The following ERCC4 variants were observed in gnomAD, a reference collection of about 807,000 sequenced individuals.
The protein encoded by ERCC4 is DNA repair endonuclease XPF.
ERCC4 carries 65 observed loss-of-function variants against 76.9 expected under a neutral mutation model. The observed-to-expected ratio is 0.84, with a 90% CI of 0.69 to 1.04. ERCC4 has a LOEUF of 1.04. ERCC4 is among the 50% of genes least tolerant of loss of function. The pLI, the probability that ERCC4 is intolerant of heterozygous loss-of-function variation, is 0.00. For missense variants in ERCC4, 1,214 were observed against 1,128.2 expected (o/e 1.08, Z -1.09); for synonymous variants, 463 against 410.1 (o/e 1.13, Z -1.56).
At chr16:13,922,692 G>T in intron 2 of ERCC4, 2 of 411,912 alleles carry the variant, frequency 4.9e-6, no homozygotes, top group South Asian at 4.6e-5. Flanking sequence ...TGGAGGCACG[G>T]ACCGGAGAGG....
Position 13,935,648 on chromosome 16 carries a change from A to G in ERCC4, c.1716A>G (p.Glu572=). ...ATGCTCTGACAAGGGTACTACATGA[A>G]GTGGAGCCAAGATACGTGGTTCTTT... is the stretch of plus-strand genomic sequence containing the variant. The part of the protein sequence containing the change: ...DPYALTRVLH[E]VEPRYVVLYD... Residue 572 remains glutamate (E), a synonymous_variant, in exon 8 of 11, where the codon GAA becomes GAG. Transcript: ENST00000311895. The G allele has an allele frequency of 6.2e-7, 1 of 1,614,064 alleles. No individual in the cohort carries two copies. The highest frequency in any genetic ancestry group is 1.3e-5 in the African/African-American group (1 of 75,008).
intron 4 of ERCC4, among the ~76,000 whole-genome samples, chr16:13,928,814 A>G (rs3136096): frequency 1.1e-3 from 174 of 152,288 alleles, no homozygotes; most frequent in Admixed American, 2.2e-3. Context: ...ATAAACGTCT[A>G]GTATTGAATT....
chr16:13,920,449 C>T (rs1014765797), intron 1 of ERCC4, 77 bp downstream of exon 1: 123 of 1,307,898 alleles, frequency 9.4e-5, no homozygotes, highest in Non-Finnish European at 1.2e-4. Flanking sequence ...AGGCCTCTGA[C>T]AGGGATGGAG....
At chr16:13,925,152 G>T (rs1453613820) in intron 2 of ERCC4, among the ~76,000 whole-genome samples, 4 of 152,154 alleles carry the variant, frequency 2.6e-5, no homozygotes, top group Admixed American at 6.5e-5. Flanking sequence ...TAAATGAAAT[G>T]AAAATCTATA....
At position 13,950,411 on chromosome 16, in the gene ERCC4, A is replaced by G. The variant is rs1183213079; in HGVS notation, c.*2064A>G. On this transcript the variant is annotated 3_prime_UTR_variant, in exon 11 of 11. Transcript: ENST00000311895. ...GGGTATCAAGAACCAGATTGGTTAC[A>G]GTAGAACTCTGTAAGATGATGTGGA... The G allele has an allele frequency of 2.1e-5, 4 of 186,974 alleles. No homozygotes were observed. The highest frequency in any genetic ancestry group is 9.3e-5 in the African/African-American group (4 of 42,824). The allele number at this position is 186,974 out of a possible 1,614,324, so 11.6% of individuals were successfully genotyped here.
In ERCC4 at chr16:13,948,029, G is replaced by A. The variant is rs773329866; in HGVS notation, c.2433G>A (p.Glu811=). ...LWCPSPHATA[E]LFEELKQSKP... is the part of the protein sequence containing the mutation. ...GCCCCTCTCCTCATGCAACGGCGGA[G>A]TTGTTTGAGGAGCTGAAACAAAGCA... The change falls in exon 11 of 11, where the codon GAG becomes GAA. Residue 811 remains glutamate (E), a synonymous_variant. Transcript: ENST00000311895. 6 of 1,614,012 alleles carry A rather than the reference G, an allele frequency of 3.7e-6. No homozygotes were observed. In the African/African-American group the frequency reaches 4.0e-5, roughly 11 times the overall value.
At chr16:13,931,339 C>T in intron 5 of ERCC4, 1 of 178,514 alleles carries the variant, frequency 5.6e-6, no homozygotes, top group Non-Finnish European at 1.2e-5. Context: ...CGTTTGGCTA[C>T]CACTGTTTTG....
Position 13,935,456 on chromosome 16 carries a change from A to G in ERCC4, c.1524A>G (p.Gly508=). The change falls in exon 8 of 11, where the codon GGA becomes GGG. Residue 508 remains glycine, a synonymous_variant. Coordinates refer to ENST00000311895, the MANE Select transcript of ERCC4 (RefSeq NM_005236.3). ...AACCTGAAGAACTGGAAGAGGAAGG[A>G]GATGTCGAGGAAGGATATCGTCGAG... ...VGKPEELEEE[G]DVEEGYRREI... 2.5e-6 allele frequency: 4 copies of G among 1,614,218 alleles called. No individual in the cohort carries two copies. The highest frequency in any genetic ancestry group is 3.4e-6 in the Non-Finnish European group (4 of 1,180,038).
chr16:13,930,942 T>C (rs2032161409), intron 5 of ERCC4, 52 bp downstream of exon 5: 1 of 1,253,216 alleles, frequency 8.0e-7, no homozygotes, highest in East Asian at 2.3e-5. Context: ...GAATAAAGTG[T>C]TAGGTTTTAG....
chr16:13,926,401 A>G (rs1293786952), intron 2 of ERCC4, among the ~76,000 whole-genome samples, 160 bp from the exon 3 acceptor site: 2 of 152,240 alleles, frequency 1.3e-5, no homozygotes, highest in Admixed American at 6.5e-5. Context: ...TTTATAGTCA[A>G]TTCCTTGAGG....
chr16:13,926,773 G>A lies in ERCC4; in HGVS notation c.584+17G>A, dbSNP rs1473059502. 2 of 1,569,248 alleles carry A rather than the reference G, an allele frequency of 1.3e-6. No homozygotes were observed. The highest frequency in any genetic ancestry group is 2.2e-5 in the South Asian group (2 of 90,020). ...GTGGCCAAGGTAAAGAACATTATGT[G>A]ACAAATAATGATGACATTATTTGTC... On this transcript the variant is annotated intron_variant, in intron 3 of 10. Coordinates refer to ENST00000311895, the MANE Select transcript of ERCC4 (RefSeq NM_005236.3).
rs1217045250 is a variant in ERCC4 at position 13,948,210 on chromosome 16, A to G, written c.2614A>G (p.Asn872Asp). 2 of 1,614,050 alleles carry G rather than the reference A, an allele frequency of 1.2e-6. No individual in the cohort carries two copies. Among genetic ancestry groups the G allele is most frequent in the Non-Finnish European group, 1.7e-6 (2 of 1,180,040 alleles). The change falls in exon 11 of 11, where the codon AAC (asparagine) becomes GAC (aspartate). Residue 872 changes from asparagine to aspartate, a missense_variant. Coordinates refer to ENST00000311895, the MANE Select transcript of ERCC4 (RefSeq NM_005236.3). ...NCRSLMHHVK[N>D]IAELAALSQD... ...CCGCTCCTTGATGCACCACGTTAAG[A>G]ACATCGCAGAATTAGCAGCCCTGTC...
chr16:13,929,622 A>G (rs1475344462), intron 4 of ERCC4, among the ~76,000 whole-genome samples: 2 of 152,244 alleles, frequency 1.3e-5, no homozygotes, highest in South Asian at 2.1e-4. Flanking sequence ...AGGTACCTAC[A>G]TAGTGTATAC....
At position 13,935,719 on chromosome 16, in the gene ERCC4, C is replaced by A. The variant is rs751782722; in HGVS notation, c.1787C>A (p.Ala596Glu). The A allele has an allele frequency of 6.8e-6, 11 of 1,613,626 alleles. No homozygotes were observed. The East Asian group carries it at 2.5e-4, about 36-fold the overall frequency. Reference sequence around the variant, plus strand: ...GTTCGGCAGCTTGAAATTTACAGGGCGAGTAGGCCTGGGAAACCTCTGAGG... The same window carrying A: ...GTTCGGCAGCTTGAAATTTACAGGGAGAGTAGGCCTGGGAAACCTCTGAGG... ...TFVRQLEIYR[A>E]SRPGKPLRVY... Residue 596 changes from alanine (A) to glutamate (E), a missense_variant, in exon 8 of 11, where the codon GCG (alanine) becomes GAG (glutamate). By Grantham distance (107) the Ala-to-Glu change is moderately radical. Coordinates refer to ENST00000311895, the MANE Select transcript of ERCC4 (RefSeq NM_005236.3).
intron 2 of ERCC4, among the ~76,000 whole-genome samples, chr16:13,924,999 G>A (rs1442045595): frequency 6.6e-6 from 1 of 152,116 alleles, no homozygotes. Context: ...GTCTTGAGTT[G>A]GTGTGACTAA....
rs373906926 is a variant in ERCC4, at chr16:13,947,721, G to T, written c.2125G>T (p.Val709Leu). 1.9e-6 allele frequency: 3 copies of T among 1,614,196 alleles called. No homozygotes were observed. Among genetic ancestry groups the T allele is most frequent in the Middle Eastern group, 1.6e-4 (1 of 6,062 alleles). Reference sequence around the variant, plus strand: ...TCGTCGGGGCATTGACATTGAACCCGTGACTTTAGAGGTTGGAGATTACAT... The same window carrying T: ...TCGTCGGGGCATTGACATTGAACCCTTGACTTTAGAGGTTGGAGATTACAT... Reference protein sequence around the residue: ...IHRRGIDIEPVTLEVGDYILT... With the variant: ...IHRRGIDIEPLTLEVGDYILT... The change falls in exon 11 of 11, where the codon GTG becomes TTG. Residue 709 changes from valine to leucine, a missense_variant. Val to Leu is a conservative substitution (Grantham distance 32). Transcript: ENST00000311895.
chr16:13,928,137 A>C lies in ERCC4; in HGVS notation c.694A>C (p.Ile232Leu). The C allele has an allele frequency of 6.2e-7, 1 of 1,613,298 alleles. No homozygotes were observed. The highest frequency in any genetic ancestry group is 1.3e-5 in the African/African-American group (1 of 75,032). The change falls in exon 4 of 11, where the codon ATT (isoleucine) becomes CTT (leucine). Residue 232 changes from isoleucine to leucine, a missense_variant. Physicochemically the swap from Ile to Leu is conservative, Grantham distance 5. Coordinates refer to ENST00000311895, the MANE Select transcript of ERCC4 (RefSeq NM_005236.3). ...TGCTATACAGACTGCTATACTGGAC[A>C]TTTTAAATGCATGTCTAAAGGAACT... ...MLAIQTAILDILNACLKELKC... is the reference protein window; with the variant it reads ...MLAIQTAILDLLNACLKELKC...
Position 13,951,839 on chromosome 16 carries a change from CTT to C in ERCC4, c.*3495_*3496del, listed in dbSNP as rs1179169629. On this transcript the variant is annotated 3_prime_UTR_variant, in exon 11 of 11. Coordinates refer to ENST00000311895, the MANE Select transcript of ERCC4 (RefSeq NM_005236.3). ...CAGAAAACTCATTTGGGGAAATTCT[CTT>C]TTGTGTTCAGTTTAACCTAGAAAGG... The C allele has an allele frequency of 9.0e-6, 2 of 222,626 alleles. No individual in the cohort carries two copies. The highest frequency in any genetic ancestry group is 4.5e-5 in the African/African-American group (2 of 44,756). 13.8% of individuals were successfully genotyped at this position (222,626 alleles called of 1,614,324 possible).
At chr16:13,930,509 T>C (rs1008513098) in intron 4 of ERCC4, among the ~76,000 whole-genome samples, 22 of 152,214 alleles carry the variant, frequency 1.4e-4, no homozygotes, top group African/African-American at 5.3e-4. Context: ...ATTATTAGAA[T>C]TTTATTAACT....
Sources: gnomAD v4.1 joint callset for allele counts (sites outside exome capture counted in the v4.1 genomes callset) on GRCh38, gnomAD v4.1.1 for gene constraint, MANE v1.5 for transcripts, NCBI Gene and HGNC (gene_info 2026-07-23, HGNC 2026-07-21) for gene names.